The following ZNF492 variants were observed in gnomAD, a reference collection of about 807,000 sequenced individuals.
ZNF492 encodes the protein zinc finger protein 492.
In ZNF492, 3 loss-of-function variants were observed where a neutral mutation model predicts 6.4. The observed-to-expected ratio is 0.47, with a 90% CI of 0.21 to 1.22. The LOEUF (loss-of-function observed/expected upper bound fraction) is 1.22, where lower values mean the gene tolerates loss of function less well. Ranked by LOEUF, ZNF492 falls within the 50% of genes most tolerant of loss-of-function variation. The pLI is 0.22. For missense variants in ZNF492, 356 were observed against 612.5 expected, an observed-to-expected ratio of 0.58 and a Z score of 4.42; for synonymous variants, 112 against 205.3, an observed-to-expected ratio of 0.55 and a Z score of 3.89.
intron 1 of ZNF492, among the ~76,000 whole-genome samples, chr19:22,642,345 T>A (rs1249301122): frequency 6.6e-6 from 1 of 151,522 alleles, no homozygotes; most frequent in Non-Finnish European, 1.5e-5. Flanking sequence ...TTTTTTGAAA[T>A]ATACATAAAT....
chr19:22,639,049 C>T (rs753415554), intron 1 of ZNF492, among the ~76,000 whole-genome samples: 1 of 152,022 alleles, frequency 6.6e-6, no homozygotes, highest in Non-Finnish European at 1.5e-5. Context: ...ACCGTGTTGG[C>T]CAGGCTGGTC....
At chr19:22,639,460 C>G (rs539774990) in intron 1 of ZNF492, among the ~76,000 whole-genome samples, 1 of 151,998 alleles carries the variant, frequency 6.6e-6, no homozygotes, top group South Asian at 2.1e-4. Context: ...CCTGTAATCC[C>G]AGCACTTTGG....
At chr19:22,658,173 C>G (rs942378870) in intron 3 of ZNF492, among the ~76,000 whole-genome samples, 1 of 151,622 alleles carries the variant, frequency 6.6e-6, no homozygotes, top group African/African-American at 2.4e-5. Flanking sequence ...GTCTGTAATC[C>G]CCGGATTTTG....
chr19:22,661,610 T>C (rs1044195592), intron 3 of ZNF492, among the ~76,000 whole-genome samples: 1 of 152,062 alleles, frequency 6.6e-6, no homozygotes, highest in African/African-American at 2.4e-5. Context: ...CTTCTTTTTT[T>C]TTTGAAACAG....
intron 1 of ZNF492, among the ~76,000 whole-genome samples, chr19:22,637,459 AT>A (rs1223984561): frequency 2.0e-5 from 3 of 151,734 alleles, no homozygotes; most frequent in Non-Finnish European, 2.9e-5. Context: ...GGCCTGGCTA[AT>A]TTTTTTGGTA....
At position 22,644,287 on chromosome 19, in the gene ZNF492, A is replaced by G. The variant is rs112998800; in HGVS notation, c.-93-9020A>G. Among the ~76,000 whole-genome samples, 1,312 of 149,892 alleles carry G rather than the reference A, an allele frequency of 8.8e-3. 16 individuals are homozygous for G. Among genetic ancestry groups the G allele is most frequent in the African/African-American group, 0.031 (1,246 of 40,802 alleles). On this transcript the variant is annotated intron_variant, in intron 1 of 3. Coordinates refer to ENST00000456783, the MANE Select transcript of ZNF492 (RefSeq NM_020855.3). ...TATTTTACTTTAAGTTCCAGGATACATGTGCAGAATGTGCAGGTTTATTAC... is the reference window on the plus strand; with the variant it reads ...TATTTTACTTTAAGTTCCAGGATACGTGTGCAGAATGTGCAGGTTTATTAC...
intron 3 of ZNF492, among the ~76,000 whole-genome samples, chr19:22,661,210 G>T (rs1392306910): frequency 6.7e-6 from 1 of 150,058 alleles, no homozygotes; most frequent in African/African-American, 2.5e-5. Context: ...CCACCAAATT[G>T]TTTTTTTTAA....
At chr19:22,638,936 G>A (rs373861509) in intron 1 of ZNF492, among the ~76,000 whole-genome samples, 302 of 152,020 alleles carry the variant, frequency 2.0e-3, no homozygotes, top group African/African-American at 6.8e-3. Flanking sequence ...TCTGCCTCCC[G>A]GGTTCAAGCA....
chr19:22,642,384 C>CTTTTTGTTTTT (rs1971836222), intron 1 of ZNF492, among the ~76,000 whole-genome samples: 1 of 85,492 alleles, frequency 1.2e-5, no homozygotes, highest in African/African-American at 5.5e-5. Context: ...AACCTTTTGT[C>CTTTTTGTTTTT]TTTTTTTTTT....
At position 22,642,040 on chromosome 19, in the gene ZNF492, G is replaced by A. The variant is rs577732667; in HGVS notation, c.-94+7566G>A. ...GATCTCCTGACCTCGTCATCCGCCC[G>A]CCTCAGCCTGCCAAAGTGCTAGGAT... is the stretch of plus-strand genomic sequence containing the variant. On this transcript the variant is annotated intron_variant, in intron 1 of 3. Coordinates refer to ENST00000456783, the MANE Select transcript of ZNF492 (RefSeq NM_020855.3). 1.3e-3 allele frequency among the ~76,000 whole-genome samples: 201 copies of A among 152,126 alleles called. 1 individual carries two copies. The highest frequency in any genetic ancestry group is 3.4e-3 in the Middle Eastern group (1 of 292).
Position 22,665,305 on chromosome 19 carries a change from C to G in ZNF492, c.*40C>G. ...TGACAAAGCCTTTAAATGGTTATCACACTGGATTGTAGGTAAGGTAATTCA... is the reference window on the plus strand; with the variant it reads ...TGACAAAGCCTTTAAATGGTTATCAGACTGGATTGTAGGTAAGGTAATTCA... On this transcript the variant is annotated 3_prime_UTR_variant, in exon 4 of 4. Coordinates refer to ENST00000456783, the MANE Select transcript of ZNF492 (RefSeq NM_020855.3). 1 of 1,505,530 alleles carries G rather than the reference C, an allele frequency of 6.6e-7. No individual in the cohort carries two copies. The highest frequency in any genetic ancestry group is 1.4e-5 in the African/African-American group (1 of 71,102). 93.3% of individuals were successfully genotyped at this position (1,505,530 alleles called of 1,614,324 possible).
At position 22,667,021 on chromosome 19, in the gene ZNF492, G is replaced by T. The variant is rs2145268333; in HGVS notation, c.*1756G>T. 1 of 152,316 alleles carries T rather than the reference G, an allele frequency of 6.6e-6. No homozygotes were observed. The highest frequency in any genetic ancestry group is 2.1e-4 in the South Asian group (1 of 4,826). The allele number at this position is 152,316 out of a possible 1,614,324, so 9.4% of individuals were successfully genotyped here. A position where few individuals can be genotyped will look rare whatever the true frequency, so the allele number is the denominator to read the frequency against. ...AGGTGGGTAGATCACCTGAGGTCGG[G>T]AGTTCAAGACCAGCCTGACCAACAT... is the stretch of plus-strand genomic sequence containing the variant. On this transcript the variant is annotated 3_prime_UTR_variant, in exon 4 of 4. Transcript: ENST00000456783.
intron 2 of ZNF492, 150 bp downstream of exon 2, chr19:22,653,583 A>G (rs974663514): frequency 2.4e-5 from 28 of 1,181,508 alleles, no homozygotes; most frequent in Non-Finnish European, 3.2e-5. Flanking sequence ...GAATTTCAAG[A>G]TGTTTCATTT....
intron 3 of ZNF492, among the ~76,000 whole-genome samples, chr19:22,656,700 C>T (rs2145257433): frequency 6.6e-6 from 1 of 152,068 alleles, no homozygotes; most frequent in East Asian, 1.9e-4. Context: ...TCAGTGGGAC[C>T]AAGTTTGGTG....
intron 3 of ZNF492, among the ~76,000 whole-genome samples, chr19:22,658,049 G>A (rs1033084949): frequency 2.0e-5 from 3 of 151,940 alleles, no homozygotes; most frequent in Admixed American, 6.6e-5. Flanking sequence ...TTATAATTCT[G>A]GATCTTCTTC....
chr19:22,638,841 T>TTTTG (rs1040802000), intron 1 of ZNF492, among the ~76,000 whole-genome samples: 1 of 100,626 alleles, frequency 9.9e-6, no homozygotes. Context: ...ATTGATCTTT[T>TTTTG]TTTGTTTGTT....
intron 2 of ZNF492, 77 bp from the exon 3 acceptor site, chr19:22,653,843 A>G (rs376686074): frequency 2.1e-5 from 30 of 1,450,100 alleles, no homozygotes; most frequent in Middle Eastern, 3.6e-4. Flanking sequence ...ATTCTATTAC[A>G]TCCTTTTTTC....
At position 22,665,902 on chromosome 19, in the gene ZNF492, C is replaced by G. The variant is rs1251926606; in HGVS notation, c.*637C>G. 2 of 152,194 alleles carry G rather than the reference C, an allele frequency of 1.3e-5. No individual in the cohort carries two copies. Among genetic ancestry groups the G allele is most frequent in the Admixed American group, 6.5e-5 (1 of 15,272 alleles). 9.4% of individuals were successfully genotyped at this position (152,194 alleles called of 1,614,324 possible). On this transcript the variant is annotated 3_prime_UTR_variant, in exon 4 of 4. Transcript: ENST00000456783. ...ATGTTAGAAATATATAAGGCAATGACACTTCAGACTTTACACTGAATCAGA... is the reference window on the plus strand; with the variant it reads ...ATGTTAGAAATATATAAGGCAATGAGACTTCAGACTTTACACTGAATCAGA...
At position 22,646,451 on chromosome 19, in the gene ZNF492, G is replaced by A. The variant is rs539071583; in HGVS notation, c.-93-6856G>A. On this transcript the variant is annotated intron_variant, in intron 1 of 3. Transcript: ENST00000456783. ...TGGAATTTTCTAAATATAGAATAAC[G>A]TCATGTGAAAACAGAGAGAATTTGA... is the stretch of plus-strand genomic sequence containing the variant. Among the ~76,000 whole-genome samples the A allele has an allele frequency of 7.2e-5, 11 of 152,262 alleles. No homozygotes were observed. The East Asian group carries it at 7.7e-4, about 11-fold the overall frequency.
Sources: gnomAD v4.1 joint callset for allele counts (sites outside exome capture counted in the v4.1 genomes callset) on GRCh38, gnomAD v4.1.1 for gene constraint, MANE v1.5 for transcripts, NCBI Gene and HGNC (gene_info 2026-07-23, HGNC 2026-07-21) for gene names.